Variants in ECHDC3 observed in about 807,000 individuals in gnomAD.
ECHDC3 encodes enoyl-CoA hydratase domain-containing protein 3, mitochondrial.
In ECHDC3, 20 loss-of-function variants were observed where a neutral mutation model predicts 17.9. The ratio of observed to expected loss-of-function variants is 1.12; its 90% CI spans 0.79 to 1.63. The LOEUF (loss-of-function observed/expected upper bound fraction) is 1.63. Ranked by LOEUF, ECHDC3 falls within the 40% of genes most tolerant of loss-of-function variation. ECHDC3 has a pLI of 0.00. For missense variants in ECHDC3, 407 were observed against 357.7 expected (o/e 1.14, Z -1.11); for synonymous variants, 177 against 149.7 (o/e 1.18, Z -1.33).
Position 11,763,536 on chromosome 10 carries a change from C to A in ECHDC3, c.904C>A (p.Pro302Thr). 6.7e-7 allele frequency: 1 copy of A among 1,487,722 alleles called. No individual in the cohort carries two copies. Among genetic ancestry groups the A allele is most frequent in the Non-Finnish European group, 9.1e-7 (1 of 1,099,656 alleles). The allele number at this position is 1,487,722 out of a possible 1,614,324, so 92.2% of individuals were successfully genotyped here. Residue 302 changes from proline to threonine, a missense_variant, in exon 5 of 5, where the codon CCA (proline) becomes ACA (threonine). By Grantham distance (38) the Pro-to-Thr change is conservative (BLOSUM62 -1). Coordinates refer to ENST00000379215, the MANE Select transcript of ECHDC3 (RefSeq NM_024693.5). This position sits in a 1 kb window ranked among gnomAD's most constrained non-coding sequence, Gnocchi z 4.9. ...GAGAAAACCTGTCTGGTCACACGAG[C>A]CAGTGTGAGTGGAGGCAGAGGAGTG... ...QKRKPVWSHE[P>T]V
intron 3 of ECHDC3, among the ~76,000 whole-genome samples, chr10:11,749,835 G>A (rs920758630): frequency 1.7e-5 from 2 of 120,558 alleles, no homozygotes; most frequent in African/African-American, 3.3e-5. Flanking sequence ...TCCCTCTGTC[G>A]CCCAGGCTGG....
Position 11,749,608 on chromosome 10 carries a change from A to G in ECHDC3, c.390+16A>G. 6.2e-7 allele frequency: 1 copy of G among 1,612,864 alleles called. No individual in the cohort carries two copies. Among genetic ancestry groups the G allele is most frequent in the Non-Finnish European group, 8.5e-7 (1 of 1,179,066 alleles). ...CTGTTCCAAGGTAAGCCAAGACGACAGTCGACAGTGCAAACCTGCAAATGA... is the reference window on the plus strand; with the variant it reads ...CTGTTCCAAGGTAAGCCAAGACGACGGTCGACAGTGCAAACCTGCAAATGA... On this transcript the variant is annotated intron_variant, in intron 3 of 4. Coordinates refer to ENST00000379215, the MANE Select transcript of ECHDC3 (RefSeq NM_024693.5).
At chr10:11,748,228 CTT>C (rs34875008) in intron 2 of ECHDC3, among the ~76,000 whole-genome samples, 140,319 of 150,592 alleles carry the variant, frequency 0.93, 66,148 homozygotes, top group East Asian at 1. Context: ...TTAACGTCTT[CTT>C]TTTTTTTTTT....
chr10:11,758,747 A>T (rs564807054), intron 4 of ECHDC3, among the ~76,000 whole-genome samples: 1 of 152,224 alleles, frequency 6.6e-6, no homozygotes, highest in Non-Finnish European at 1.5e-5. Flanking sequence ...GAGCCTGGCC[A>T]TGTGGCAGCC....
rs746045013 is a variant in ECHDC3, at chr10:11,763,290, C to T, written c.658C>T (p.Leu220Phe). The T allele has an allele frequency of 1.3e-6, 1 of 780,424 alleles. No individual in the cohort carries two copies. Among genetic ancestry groups the T allele is most frequent in the Non-Finnish European group, 2.4e-6 (1 of 418,118 alleles). The allele number at this position is 780,424 out of a possible 1,614,324, so 48.3% of individuals were successfully genotyped here. A position where few individuals can be genotyped will look rare whatever the true frequency, so the allele number is the denominator to read the frequency against. ...SAQEALLHGL[L>F]SKVVPEAELQ... The stretch of plus-strand genomic sequence containing the variant: ...CCAGGAGGCCCTGCTCCACGGGCTG[C>T]TTAGCAAGGTGGTGCCAGAGGCGGA... Residue 220 changes from leucine (L) to phenylalanine (F), a missense_variant, in exon 5 of 5, where the codon CTT (leucine) becomes TTT (phenylalanine). Physicochemically the swap from Leu to Phe is conservative, Grantham distance 22. Transcript: ENST00000379215. The surrounding 1 kb of genome is among the most constrained non-coding windows in gnomAD (Gnocchi z 4.9).
At chr10:11,762,282 A>G (rs773385744) in intron 4 of ECHDC3, among the ~76,000 whole-genome samples, 1 of 152,182 alleles carries the variant, frequency 6.6e-6, no homozygotes, top group Non-Finnish European at 1.5e-5. Flanking sequence ...AGAGGCCTGC[A>G]ATGAGGGCGT....
At chr10:11,746,602 A>AAT (rs1832763668) in intron 1 of ECHDC3, among the ~76,000 whole-genome samples, 2 of 152,036 alleles carry the variant, frequency 1.3e-5, no homozygotes, top group South Asian at 4.1e-4. Flanking sequence ...GTACCCCATA[A>AAT]ATATATATAC....
chr10:11,746,251 C>G (rs1299263136), intron 1 of ECHDC3, among the ~76,000 whole-genome samples: 1 of 149,802 alleles, frequency 6.7e-6, no homozygotes, highest in Non-Finnish European at 1.5e-5. Flanking sequence ...TCACTTGAAC[C>G]CGGGAGGCAG....
intron 1 of ECHDC3, chr10:11,742,962 C>A: frequency 2.3e-6 from 1 of 427,074 alleles, no homozygotes; most frequent in Non-Finnish European, 3.8e-6. Flanking sequence ...CTCAGGGCAG[C>A]CTGCGGGGTC....
chr10:11,749,744 CAGCAA>C, intron 3 of ECHDC3, 152 bp downstream of exon 3: 1 of 2,428 alleles, frequency 4.1e-4, no homozygotes, highest in Non-Finnish European at 0.062. Flanking sequence ...TCCTTTATCC[CAGCAA>C]TCCAGCAATT....
At chr10:11,754,028 AC>A (rs1167495360) in intron 3 of ECHDC3, among the ~76,000 whole-genome samples, 1 of 151,930 alleles carries the variant, frequency 6.6e-6, no homozygotes, top group Non-Finnish European at 1.5e-5. Flanking sequence ...TGATCCACCC[AC>A]CTGTGTTCTT....
rs1476184709 is a variant in ECHDC3 at position 11,747,490 on chromosome 10, C to G, written c.292+20C>G. The stretch of plus-strand genomic sequence containing the variant: ...TCTCGGGTATGTATCTGATATCTGT[C>G]CTTAGTATTCTGCAGTGCCCACAAG... On this transcript the variant is annotated intron_variant, in intron 2 of 4. Coordinates refer to ENST00000379215, the MANE Select transcript of ECHDC3 (RefSeq NM_024693.5). 1 of 1,612,324 alleles carries G rather than the reference C, an allele frequency of 6.2e-7. No individual in the cohort carries two copies. Among genetic ancestry groups the G allele is most frequent in the Admixed American group, 1.7e-5 (1 of 59,962 alleles).
intron 4 of ECHDC3, among the ~76,000 whole-genome samples, chr10:11,762,412 G>A (rs574023095): frequency 7.9e-5 from 12 of 152,386 alleles, no homozygotes; most frequent in Non-Finnish European, 1.6e-4. Flanking sequence ...CCAGGATTGT[G>A]AGAGCCTGAG....
Position 11,742,703 on chromosome 10 carries a change from T to A in ECHDC3, c.127T>A (p.Ser43Thr), listed in dbSNP as rs1485646314. ...RDPAGAGRRESEPRPTSARQL... is the reference protein window; with the variant it reads ...RDPAGAGRRETEPRPTSARQL... ...CCCGGCCGGGGCGGGGCGGCGGGAG[T>A]CGGAGCCGCGGCCCACCAGCGCGCG... is the stretch of plus-strand genomic sequence containing the variant. The change falls in exon 1 of 5, where the codon TCG (serine) becomes ACG (threonine). Residue 43 changes from serine to threonine, a missense_variant. By Grantham distance (58) the Ser-to-Thr change is moderately conservative. Transcript: ENST00000379215. 1 of 1,237,082 alleles carries A rather than the reference T, an allele frequency of 8.1e-7. No individual in the cohort carries two copies. The highest frequency in any genetic ancestry group is 1.0e-6 in the Non-Finnish European group (1 of 991,920). The allele number at this position is 1,237,082 out of a possible 1,614,324, so 76.6% of individuals were successfully genotyped here. A position where few individuals can be genotyped will look rare whatever the true frequency, so the allele number is the denominator to read the frequency against.
chr10:11,743,241 C>A (rs1304875001), intron 1 of ECHDC3, among the ~76,000 whole-genome samples: 1 of 152,206 alleles, frequency 6.6e-6, no homozygotes, highest in South Asian at 2.1e-4. Context: ...AGGGCCCTAC[C>A]CCCTCCAGGC....
intron 3 of ECHDC3, among the ~76,000 whole-genome samples, chr10:11,754,121 C>G (rs1422411962): frequency 1.3e-5 from 2 of 152,014 alleles, no homozygotes; most frequent in African/African-American, 4.8e-5. Context: ...GGAGACCTCC[C>G]CCAAAAAAAG....
At chr10:11,756,827 C>T (rs952713577) in intron 4 of ECHDC3, among the ~76,000 whole-genome samples, 6 of 151,770 alleles carry the variant, frequency 4.0e-5, no homozygotes, top group Non-Finnish European at 7.4e-5. Flanking sequence ...CAGCTCACTG[C>T]AATGTTCAAG....
intron 2 of ECHDC3, 145 bp from the exon 3 acceptor site, chr10:11,749,350 A>G (rs1026702278): frequency 3.2e-5 from 23 of 709,102 alleles, no homozygotes; most frequent in Non-Finnish European, 5.2e-5. Flanking sequence ...AGCAAACTGG[A>G]ATTATTCTTC....
intron 3 of ECHDC3, 59 bp from the exon 4 acceptor site, chr10:11,755,349 A>AG (rs1832873563): frequency 1.8e-5 from 20 of 1,098,740 alleles, no homozygotes; most frequent in Non-Finnish European, 2.5e-5. Context: ...AAAAAGCAAT[A>AG]GGCGTTAATG....
Sources: allele counts gnomAD v4.1 joint callset (sites outside exome capture counted in the v4.1 genomes callset), GRCh38; gene constraint gnomAD v4.1.1; non-coding constraint Gnocchi (gnomAD v3.1); transcripts MANE v1.5; gene names NCBI Gene and HGNC (gene_info 2026-07-23, HGNC 2026-07-21).